Variants in GRIN2A observed in about 807,000 individuals in gnomAD.
GRIN2A encodes the protein glutamate receptor ionotropic, NMDA 2A.
Under a neutral mutation model 113.4 loss-of-function variants are expected in GRIN2A, and 22 were observed. That is an observed-to-expected ratio of 0.19 (90% CI 0.14 to 0.28). The LOEUF is 0.28. GRIN2A is among the 10% of genes least tolerant of loss of function. The probability of loss-of-function intolerance (pLI) is 1.00; values close to 1 mark genes in which losing one functional copy is unlikely to be tolerated. For missense variants in GRIN2A, 1,502 were observed against 1,887.0 expected (o/e 0.80, Z 3.78); for synonymous variants, 827 against 738.4 (o/e 1.12, Z -1.94).
chr16:10,110,133 A>T (rs575664309), intron 2 of GRIN2A, among the ~76,000 whole-genome samples: 1 of 151,962 alleles, frequency 6.6e-6, no homozygotes, highest in Non-Finnish European at 1.5e-5. Context: ...AAATAAAAAG[A>T]ATTTTAAATA....
chr16:10,006,756 C>A (rs527606262), intron 2 of GRIN2A, among the ~76,000 whole-genome samples: 2 of 152,226 alleles, frequency 1.3e-5, no homozygotes, highest in African/African-American at 4.8e-5. Context: ...TACCCATTAA[C>A]CCTCCCTATT....
chr16:9,941,760 T>C (rs908353774), intron 2 of GRIN2A, among the ~76,000 whole-genome samples: 7 of 152,208 alleles, frequency 4.6e-5, no homozygotes, highest in Middle Eastern at 3.2e-3. Context: ...ATAGTAAACA[T>C]GCTAGAAATA....
At chr16:9,867,960 G>C (rs1185598797) in intron 4 of GRIN2A, among the ~76,000 whole-genome samples, 1 of 151,796 alleles carries the variant, frequency 6.6e-6, no homozygotes, top group African/African-American at 2.4e-5. Context: ...GAAGAACTCA[G>C]CCTCTTATCT....
chr16:9,784,449 A>AAAAC (rs1555486256), intron 11 of GRIN2A, among the ~76,000 whole-genome samples: 1 of 149,566 alleles, frequency 6.7e-6, no homozygotes, highest in African/African-American at 2.5e-5. Flanking sequence ...ACCAAAAAAA[A>AAAAC]AAAACAAACA....
intron 2 of GRIN2A, among the ~76,000 whole-genome samples, chr16:10,038,580 A>T (rs1212614816): frequency 6.6e-6 from 1 of 151,984 alleles, no homozygotes; most frequent in Non-Finnish European, 1.5e-5. Context: ...GCGGTGGCTC[A>T]CGCCTGTAAT....
intron 11 of GRIN2A, among the ~76,000 whole-genome samples, chr16:9,780,992 A>ATTTT (rs779506318): frequency 9.3e-5 from 5 of 53,932 alleles, no homozygotes; most frequent in African/African-American, 4.0e-4. Context: ...GAGGTCACTA[A>ATTTT]TCTTTTTTTT....
chr16:10,141,517 C>A (rs1281269639), intron 2 of GRIN2A, among the ~76,000 whole-genome samples: 1 of 151,994 alleles, frequency 6.6e-6, no homozygotes, highest in Non-Finnish European at 1.5e-5. Flanking sequence ...AATAAAAACA[C>A]AATGAATACA....
At chr16:10,143,384 A>G (rs1224796345) in intron 2 of GRIN2A, among the ~76,000 whole-genome samples, 1 of 152,192 alleles carries the variant, frequency 6.6e-6, no homozygotes, top group African/African-American at 2.4e-5. Flanking sequence ...CCATTCTACT[A>G]TATTAAAAAA....
chr16:9,912,032 G>T (rs1384326576), intron 3 of GRIN2A, among the ~76,000 whole-genome samples: 2 of 152,162 alleles, frequency 1.3e-5, no homozygotes, highest in Non-Finnish European at 2.9e-5. Flanking sequence ...AAATGAGTTA[G>T]TACCTGTAAT....
At chr16:9,801,953 T>A (rs904386000) in intron 10 of GRIN2A, among the ~76,000 whole-genome samples, 1 of 152,210 alleles carries the variant, frequency 6.6e-6, no homozygotes, top group Non-Finnish European at 1.5e-5. Context: ...TACAGACAAC[T>A]GCGTGTTTAA....
chr16:9,960,141 A>G (rs1343953608), intron 2 of GRIN2A, among the ~76,000 whole-genome samples: 1 of 152,182 alleles, frequency 6.6e-6, no homozygotes, highest in Non-Finnish European at 1.5e-5. Context: ...GAAAAAAATG[A>G]GCTTTGCATA....
chr16:10,163,925 A>T (rs1376952784), intron 2 of GRIN2A, among the ~76,000 whole-genome samples: 1 of 152,216 alleles, frequency 6.6e-6, no homozygotes, highest in African/African-American at 2.4e-5. Context: ...AATTTTGGTT[A>T]TAGAGAATAG....
intron 3 of GRIN2A, among the ~76,000 whole-genome samples, chr16:9,922,768 G>C (rs1359272051): frequency 6.9e-6 from 1 of 144,538 alleles, no homozygotes; most frequent in Non-Finnish European, 1.5e-5. Flanking sequence ...TTAGAAGTTT[G>C]TTATTTAGTG....
intron 2 of GRIN2A, among the ~76,000 whole-genome samples, chr16:10,164,688 T>G (rs1312875859): frequency 6.6e-6 from 1 of 152,272 alleles, no homozygotes; most frequent in African/African-American, 2.4e-5. Context: ...TTTATTATTT[T>G]TTAGAAATTC....
chr16:10,072,197 A>T (rs2047766085), intron 2 of GRIN2A, among the ~76,000 whole-genome samples: 1 of 152,244 alleles, frequency 6.6e-6, no homozygotes, highest in Non-Finnish European at 1.5e-5. Context: ...GTTAAGCATC[A>T]TGAGGCTGTT....
chr16:10,037,250 C>T (rs1317795079), intron 2 of GRIN2A: 1 of 152,110 alleles, frequency 6.6e-6, no homozygotes, highest in Non-Finnish European at 1.5e-5. Context: ...TAATGCTTTT[C>T]TTCCCATTGC....
chr16:9,943,129 A>G (rs1596348922), intron 2 of GRIN2A: 1 of 151,752 alleles, frequency 6.6e-6, no homozygotes, highest in East Asian at 1.9e-4. Flanking sequence ...TCCTGCACTT[A>G]CCTCCTCCTG....
At position 9,840,920 on chromosome 16, in the gene GRIN2A, T is replaced by C. The variant is rs1311821126; in HGVS notation, c.1497+16A>G. The stretch of plus-strand genomic sequence containing the variant: ...TTTGTCTGAGTAAGAGCCTAGGGGA[T>C]GAAAAGATAACTTACTTCACCGATC... On this transcript the variant is annotated intron_variant, in intron 6 of 12. Coordinates refer to ENST00000330684, the MANE Select transcript of GRIN2A (RefSeq NM_001134407.3). 5 of 1,613,146 alleles carry C rather than the reference T, an allele frequency of 3.1e-6. No individual in the cohort carries two copies. The South Asian group carries it at 4.4e-5, about 14-fold the overall frequency.
intron 9 of GRIN2A, among the ~76,000 whole-genome samples, chr16:9,824,843 G>T (rs951602899): frequency 6.6e-6 from 1 of 152,098 alleles, no homozygotes; most frequent in African/African-American, 2.4e-5. Flanking sequence ...GCTCACTAAA[G>T]AGTCATGACC....
Sources: allele counts gnomAD v4.1 joint callset (sites outside exome capture counted in the v4.1 genomes callset), GRCh38; gene constraint gnomAD v4.1.1; transcripts MANE v1.5; gene names NCBI Gene and HGNC (gene_info 2026-07-23, HGNC 2026-07-21).